Variants in GARIN2 observed in about 807,000 individuals in gnomAD.
The protein encoded by GARIN2 is Golgi-associated RAB2 interactor protein 2.
At chr14:67,203,427 G>A in the GARIN2 span, 1 of 694,478 alleles carries the variant, frequency 1.4e-6, no homozygotes, top group Middle Eastern at 3.1e-4. Context: ...AAATGACAAA[G>A]AGGAGCATCC....
chr14:67,216,059 A>C, the GARIN2 span, among the ~76,000 whole-genome samples: 3 of 152,166 alleles, frequency 2.0e-5, no homozygotes, highest in Non-Finnish European at 4.4e-5. Context: ...AGAGTTCCAC[A>C]CACGCCTCCC....
At chr14:67,226,915 C>T in the GARIN2 span, among the ~76,000 whole-genome samples, 3 of 152,230 alleles carry the variant, frequency 2.0e-5, no homozygotes, top group South Asian at 2.1e-4. Context: ...CACGTGCTGG[C>T]TCCTACATCC....
chr14:67,219,489 T>A, the GARIN2 span, among the ~76,000 whole-genome samples: 1 of 152,222 alleles, frequency 6.6e-6, no homozygotes, highest in East Asian at 1.9e-4. Context: ...GAAGGATGAA[T>A]GACAGGTGTC....
the GARIN2 span, chr14:67,203,224 A>G: frequency 1.2e-6 from 2 of 1,613,272 alleles, no homozygotes; most frequent in Non-Finnish European, 1.7e-6. Flanking sequence ...CCTGGTGCCC[A>G]AAAAGATACA....
chr14:67,189,837 A>ATTTTTTTTTTTTT, the GARIN2 span: 3 of 108,096 alleles, frequency 2.8e-5, no homozygotes, highest in African/African-American at 7.6e-5. Flanking sequence ...ATTTTTTTTA[A>ATTTTTTTTTTTTT]TTTTTTTTTT....
the GARIN2 span, chr14:67,221,663 C>T: frequency 2.0e-6 from 3 of 1,491,422 alleles, no homozygotes; most frequent in Admixed American, 2.1e-5. Flanking sequence ...AAACGTGTTT[C>T]ATTACTACCC....
chr14:67,195,135 A>T, the GARIN2 span, among the ~76,000 whole-genome samples: 1 of 152,252 alleles, frequency 6.6e-6, no homozygotes, highest in Non-Finnish European at 1.5e-5. Flanking sequence ...TGCATAATCC[A>T]AAAGTGTAAA....
the GARIN2 span, chr14:67,208,592 A>G: frequency 1.7e-5 from 16 of 920,542 alleles, no homozygotes; most frequent in Non-Finnish European, 2.2e-5. Context: ...TGATATAGTC[A>G]ACTCTGAATG....
the GARIN2 span, chr14:67,201,365 C>A: frequency 2.3e-6 from 1 of 437,264 alleles, no homozygotes; most frequent in South Asian, 1.6e-5. Flanking sequence ...GTGAAAGAGC[C>A]CCAGGGCATC....
chr14:67,212,196 G>C, the GARIN2 span, among the ~76,000 whole-genome samples: 1 of 152,084 alleles, frequency 6.6e-6, no homozygotes, highest in Admixed American at 6.6e-5. Flanking sequence ...GTACATAGAG[G>C]ACTTTGGACA....
At chr14:67,221,648 T>C in the GARIN2 span, 1 of 1,396,610 alleles carries the variant, frequency 7.2e-7, no homozygotes, top group Non-Finnish European at 9.7e-7. Flanking sequence ...TGGCCTAGGT[T>C]TGCTAAACGT....
chr14:67,201,820 A>G, the GARIN2 span: 1 of 264,138 alleles, frequency 3.8e-6, no homozygotes, highest in African/African-American at 2.3e-5. Context: ...CAATTATCAT[A>G]CAGCTGAGAA....
At chr14:67,203,526 ACT>A in the GARIN2 span, among the ~76,000 whole-genome samples, 1 of 152,154 alleles carries the variant, frequency 6.6e-6, no homozygotes, top group South Asian at 2.1e-4. Context: ...GGAACTGAAG[ACT>A]CATAATAAAC....
At chr14:67,199,164 C>T in the GARIN2 span, 2 of 1,597,108 alleles carry the variant, frequency 1.3e-6, no homozygotes, top group Non-Finnish European at 8.6e-7. Flanking sequence ...ACTGTTTCTC[C>T]AGGCTGGACC....
At chr14:67,215,797 G>C in the GARIN2 span, among the ~76,000 whole-genome samples, 1 of 152,044 alleles carries the variant, frequency 6.6e-6, no homozygotes, top group Non-Finnish European at 1.5e-5. Flanking sequence ...TCTTCCTTAT[G>C]TTTTATTTCA....
the GARIN2 span, chr14:67,224,838 G>C: frequency 3.3e-6 from 1 of 298,638 alleles, no homozygotes; most frequent in Non-Finnish European, 6.2e-6. Context: ...ATCCTAAGCA[G>C]CCAGGTTCAT....
chr14:67,204,445 AC>A, the GARIN2 span: 3 of 1,394,746 alleles, frequency 2.2e-6, no homozygotes, highest in Non-Finnish European at 2.8e-6. Context: ...TTGTCTCAAA[AC>A]AAACAAACAA....
At chr14:67,226,983 G>T in the GARIN2 span, among the ~76,000 whole-genome samples, 1 of 152,126 alleles carries the variant, frequency 6.6e-6, no homozygotes, top group African/African-American at 2.4e-5. Flanking sequence ...TTTAAAGAGA[G>T]AAATTTCTTT....
chr14:67,221,807 G>A, the GARIN2 span: 1 of 1,613,066 alleles, frequency 6.2e-7, no homozygotes, highest in Non-Finnish European at 8.5e-7. Context: ...AAACACTTCA[G>A]GTATGGAACA....
Sources: gnomAD v4.1 joint callset for allele counts (sites outside exome capture counted in the v4.1 genomes callset) on GRCh38, gnomAD v4.1.1 for gene constraint, MANE v1.5 for transcripts, NCBI Gene and HGNC (gene_info 2026-07-23, HGNC 2026-07-21) for gene names.